Variants in TCF12 observed in about 807,000 individuals in gnomAD.
The protein encoded by TCF12 is DNA-binding protein HTF4.
A neutral mutation model predicts 86.0 loss-of-function variants in TCF12; 45 were observed. That is an observed-to-expected ratio of 0.52 (90% CI 0.41 to 0.67). The LOEUF is 0.67. Among genes scored for constraint, TCF12 ranks in the 30% least tolerant of loss-of-function variants. TCF12 has a pLI of 0.00. For missense variants in TCF12, 881 were observed against 859.9 expected, an observed-to-expected ratio of 1.02 and a Z score of -0.31; for synonymous variants, 330 against 299.6, an observed-to-expected ratio of 1.10 and a Z score of -1.05.
intron 5 of TCF12, among the ~76,000 whole-genome samples, chr15:57,132,570 A>G (rs949727492): frequency 2.6e-5 from 4 of 152,196 alleles, no homozygotes; most frequent in Admixed American, 2.0e-4. Context: ...AAGGACCTTT[A>G]AGGTGCCGAA....
intron 12 of TCF12, among the ~76,000 whole-genome samples, chr15:57,242,881 A>T (rs2059695707): frequency 6.6e-6 from 1 of 152,180 alleles, no homozygotes; most frequent in African/African-American, 2.4e-5. Context: ...GCATAACAGG[A>T]TTTTTTCACT....
chr15:57,091,281 A>G (rs1040470960), intron 4 of TCF12, among the ~76,000 whole-genome samples: 7 of 152,140 alleles, frequency 4.6e-5, no homozygotes, highest in Non-Finnish European at 4.4e-5. Flanking sequence ...AATTAGTTTT[A>G]GTATTTTAAG....
At chr15:57,076,918 C>T (rs1207757614) in intron 4 of TCF12, among the ~76,000 whole-genome samples, 1 of 151,832 alleles carries the variant, frequency 6.6e-6, no homozygotes, top group Non-Finnish European at 1.5e-5. Flanking sequence ...ATTTTTCTTC[C>T]CTCCCATTGA....
At chr15:57,104,435 C>CTTTTTTTTTT (rs71113062) in intron 5 of TCF12, among the ~76,000 whole-genome samples, 7 of 103,340 alleles carry the variant, frequency 6.8e-5, no homozygotes, top group East Asian at 2.8e-4. Context: ...TTTTTTTTTT[C>CTTTTTTTTTT]TTTTTTTTTT....
At chr15:57,241,367 T>C (rs1399217613) in intron 12 of TCF12, among the ~76,000 whole-genome samples, 4 of 152,228 alleles carry the variant, frequency 2.6e-5, no homozygotes, top group East Asian at 1.9e-4. Flanking sequence ...GCTGGGATTA[T>C]AGGCGTGAGC....
At chr15:57,272,195 A>G (rs867896193) in intron 18 of TCF12, among the ~76,000 whole-genome samples, 2 of 152,214 alleles carry the variant, frequency 1.3e-5, no homozygotes, top group Non-Finnish European at 2.9e-5. Flanking sequence ...TTAAATCCCA[A>G]TATGTTGCTA....
downstream of TCF12, among the ~76,000 whole-genome samples, chr15:57,290,330 C>T (rs1487638659): frequency 7.4e-5 from 3 of 40,582 alleles, no homozygotes; most frequent in African/African-American, 2.4e-4. Flanking sequence ...GGAACAAGAG[C>T]AAAACTGTCT....
Position 57,062,313 on chromosome 15 carries a change from G to A in TCF12, c.149-1437G>A, listed in dbSNP as rs534908879. The stretch of plus-strand genomic sequence containing the variant: ...ACTCATAGAATATCTCTTAAATTTG[G>A]AACTTTAATACTAGCTCCACAGGAA... On this transcript the variant is annotated intron_variant, in intron 3 of 20. Transcript: ENST00000333725. Among the ~76,000 whole-genome samples, 9 of 151,952 alleles carry A rather than the reference G, an allele frequency of 5.9e-5. No individual in the cohort carries two copies. The South Asian group carries it at 1.9e-3, about 32-fold the overall frequency.
chr15:57,165,164 G>GTGTGTA (rs57965949), intron 5 of TCF12, among the ~76,000 whole-genome samples: 108 of 127,376 alleles, frequency 8.5e-4, no homozygotes, highest in Admixed American at 1.6e-3. Flanking sequence ...GTGTGTGTGT[G>GTGTGTA]CGTACACGAG....
At chr15:57,133,440 G>A (rs1248880429) in intron 5 of TCF12, among the ~76,000 whole-genome samples, 6 of 152,196 alleles carry the variant, frequency 3.9e-5, no homozygotes, top group Non-Finnish European at 7.3e-5. Context: ...GCATGGACCA[G>A]TAAGACTCCA....
At chr15:57,266,266 C>A (rs1165152254) in intron 18 of TCF12, among the ~76,000 whole-genome samples, 2 of 151,934 alleles carry the variant, frequency 1.3e-5, no homozygotes, top group Non-Finnish European at 2.9e-5. Flanking sequence ...TTAATAGAGA[C>A]AAGGTTTCAC....
intron 3 of TCF12, among the ~76,000 whole-genome samples, chr15:56,926,207 G>C (rs1405212398): frequency 2.0e-5 from 3 of 152,088 alleles, no homozygotes; most frequent in African/African-American, 4.8e-5. Context: ...CAGCTACTGG[G>C]GAGGCTGAGG....
At chr15:57,169,671 A>T (rs2055166797) in intron 6 of TCF12, among the ~76,000 whole-genome samples, 1 of 151,254 alleles carries the variant, frequency 6.6e-6, no homozygotes, top group African/African-American at 2.5e-5. Context: ...GCTAATGTTA[A>T]CATTACTGCT....
At chr15:57,075,804 T>TTCTTTCTTTCTTTCTGTCTC (rs1461514777) in intron 4 of TCF12, among the ~76,000 whole-genome samples, 1 of 28,590 alleles carries the variant, frequency 3.5e-5, no homozygotes, top group African/African-American at 1.4e-4. Context: ...CTTTCTTTCT[T>TTCTTTCTTTCTTTCTGTCTC]TCTCTCTCTC....
chr15:57,172,681 A>G (rs1455637571), intron 6 of TCF12, among the ~76,000 whole-genome samples: 1 of 152,152 alleles, frequency 6.6e-6, no homozygotes, highest in African/African-American at 2.4e-5. Flanking sequence ...ATTGGGTGCT[A>G]GGCTTACTTC....
intron 13 of TCF12, chr15:57,247,909 G>C: frequency 1.3e-6 from 1 of 762,634 alleles, no homozygotes. Flanking sequence ...ATCATCTGTA[G>C]TTTCAAAGCT....
At chr15:56,930,230 A>ATAT (rs1301446570) in intron 3 of TCF12, among the ~76,000 whole-genome samples, 5 of 152,206 alleles carry the variant, frequency 3.3e-5, no homozygotes, top group African/African-American at 1.2e-4. Context: ...TCCCAGAGGC[A>ATAT]TATGTTGTTG....
At chr15:57,065,491 T>C (rs2068794114) in intron 4 of TCF12, among the ~76,000 whole-genome samples, 1 of 152,178 alleles carries the variant, frequency 6.6e-6, no homozygotes, top group South Asian at 2.1e-4. Context: ...AAACTCACAG[T>C]ACTACTTATT....
intron 18 of TCF12, among the ~76,000 whole-genome samples, chr15:57,271,060 G>C (rs754553280): frequency 6.6e-6 from 1 of 152,222 alleles, no homozygotes; most frequent in Non-Finnish European, 1.5e-5. Context: ...TCCATTATCA[G>C]AGCTCGAATG....
Sources: allele counts gnomAD v4.1 joint callset (sites outside exome capture counted in the v4.1 genomes callset), GRCh38; gene constraint gnomAD v4.1.1; transcripts MANE v1.5; gene names NCBI Gene and HGNC (gene_info 2026-07-23, HGNC 2026-07-21).